The following SLC4A10 variants were observed in gnomAD, a reference collection of about 807,000 sequenced individuals.
The protein encoded by SLC4A10 is solute carrier family 4 member 10.
A neutral mutation model predicts 137.7 loss-of-function variants in SLC4A10; 42 were observed. The ratio of observed to expected loss-of-function variants is 0.30; its 90% CI spans 0.24 to 0.39. SLC4A10 has a LOEUF of 0.39. Among genes scored for constraint, SLC4A10 ranks in the 10% least tolerant of loss-of-function variants. The pLI is 1.00. For missense variants in SLC4A10, 925 were observed against 1,355.0 expected (o/e 0.68, Z 4.98); for synonymous variants, 474 against 464.1 (o/e 1.02, Z -0.27).
intron 3 of SLC4A10, among the ~76,000 whole-genome samples, chr2:161,839,257 A>G (rs935493739): frequency 2.0e-5 from 3 of 152,258 alleles, no homozygotes; most frequent in Non-Finnish European, 4.4e-5. Context: ...ACATTTTGCA[A>G]AGGCAAAGCT....
intron 1 of SLC4A10, among the ~76,000 whole-genome samples, chr2:161,724,842 T>A (rs745638854): frequency 6.6e-6 from 1 of 152,184 alleles, no homozygotes; most frequent in Non-Finnish European, 1.5e-5. Context: ...AAACAACTAA[T>A]TCTTAGTTGT....
At chr2:161,642,185 T>C (rs545930756) in intron 1 of SLC4A10, among the ~76,000 whole-genome samples, 1 of 152,102 alleles carries the variant, frequency 6.6e-6, no homozygotes, top group African/African-American at 2.4e-5. Flanking sequence ...AGTGTAGTGA[T>C]GTATCTTAAT....
chr2:161,754,269 A>AT, intron 1 of SLC4A10, among the ~76,000 whole-genome samples: 1 of 152,280 alleles, frequency 6.6e-6, no homozygotes, highest in South Asian at 2.1e-4. Flanking sequence ...GGACTATTAA[A>AT]TGGCCTGTAA....
chr2:161,819,598 G>A (rs1267693464), intron 3 of SLC4A10, among the ~76,000 whole-genome samples: 2 of 151,648 alleles, frequency 1.3e-5, no homozygotes, highest in African/African-American at 2.4e-5. Context: ...TGGTTCAAGC[G>A]ATTCTCCTGC....
At chr2:161,736,813 G>A (rs1168575717) in intron 1 of SLC4A10, among the ~76,000 whole-genome samples, 1 of 152,058 alleles carries the variant, frequency 6.6e-6, no homozygotes, top group East Asian at 1.9e-4. Context: ...TAGTCACTCA[G>A]TCATCTCTCT....
At chr2:161,630,084 T>C (rs1056753860) in intron 1 of SLC4A10, among the ~76,000 whole-genome samples, 2 of 151,854 alleles carry the variant, frequency 1.3e-5, no homozygotes, top group Non-Finnish European at 2.9e-5. Context: ...TATAAGAGTA[T>C]TTAGTATTTT....
At chr2:161,932,881 A>G (rs1013795956) in intron 15 of SLC4A10, among the ~76,000 whole-genome samples, 3 of 151,888 alleles carry the variant, frequency 2.0e-5, no homozygotes, top group Non-Finnish European at 4.4e-5. Flanking sequence ...TTTTCTCCCC[A>G]TACTCCTTGA....
At chr2:161,689,680 AAAGAAAT>A (rs2124907325) in intron 1 of SLC4A10, among the ~76,000 whole-genome samples, 2 of 152,308 alleles carry the variant, frequency 1.3e-5, no homozygotes, top group South Asian at 4.1e-4. Flanking sequence ...CATAATCTTT[AAAGAAAT>A]AAGATCTTTC....
At chr2:161,852,719 C>G (rs909612121) in intron 4 of SLC4A10, among the ~76,000 whole-genome samples, 2 of 151,988 alleles carry the variant, frequency 1.3e-5, no homozygotes, top group Admixed American at 6.6e-5. Context: ...ATTCAAATTA[C>G]TATATTATGG....
chr2:161,927,961 T>C (rs2105581975), intron 15 of SLC4A10, among the ~76,000 whole-genome samples: 1 of 151,284 alleles, frequency 6.6e-6, no homozygotes, highest in South Asian at 2.1e-4. Flanking sequence ...GAAGTCAGTG[T>C]GGCGATTCCT....
In SLC4A10 at chr2:161,960,669, G is replaced by A. The variant is rs532942003; in HGVS notation, c.2862+2114G>A. On this transcript the variant is annotated intron_variant, in intron 21 of 26. Transcript: ENST00000446997. ...CGGGAGGTGAAGATCGCATTGAGCC[G>A]AGATCATGCTACTGCACTCCAGCCT... Among the ~76,000 whole-genome samples, 13 of 150,956 alleles carry A rather than the reference G, an allele frequency of 8.6e-5. No individual in the cohort carries two copies. The South Asian group carries it at 1.5e-3, about 17-fold the overall frequency.
intron 12 of SLC4A10, among the ~76,000 whole-genome samples, chr2:161,903,735 T>A (rs544034537): frequency 6.6e-6 from 1 of 152,238 alleles, no homozygotes; most frequent in East Asian, 1.9e-4. Context: ...ATTATTTGGA[T>A]TATGATTGGT....
chr2:161,795,166 A>G (rs1368283337), intron 2 of SLC4A10, among the ~76,000 whole-genome samples: 1 of 151,988 alleles, frequency 6.6e-6, no homozygotes, highest in African/African-American at 2.4e-5. Context: ...CTGCCAATAC[A>G]TATCTTATCT....
At chr2:161,848,955 G>A (rs143804159) in intron 4 of SLC4A10, among the ~76,000 whole-genome samples, 2 of 152,188 alleles carry the variant, frequency 1.3e-5, no homozygotes, top group Admixed American at 6.5e-5. Flanking sequence ...GTTATTGGTA[G>A]GTTGATAGGA....
At chr2:161,792,047 A>G (rs1210538145) in intron 2 of SLC4A10, among the ~76,000 whole-genome samples, 2 of 152,132 alleles carry the variant, frequency 1.3e-5, no homozygotes, top group African/African-American at 2.4e-5. Context: ...ATCTCCCTTC[A>G]TAGTTCCTTA....
At chr2:161,741,059 G>A (rs2047829556) in intron 1 of SLC4A10, among the ~76,000 whole-genome samples, 1 of 152,012 alleles carries the variant, frequency 6.6e-6, no homozygotes, top group African/African-American at 2.4e-5. Flanking sequence ...AATTGCTTGA[G>A]TCCAGGAGTT....
chr2:161,848,785 C>T (rs2059647750), intron 4 of SLC4A10, among the ~76,000 whole-genome samples: 1 of 151,974 alleles, frequency 6.6e-6, no homozygotes, highest in African/African-American at 2.4e-5. Flanking sequence ...TTACTGTAGC[C>T]TTGTAGTATA....
intron 19 of SLC4A10, among the ~76,000 whole-genome samples, chr2:161,952,897 T>C (rs949190569): frequency 6.6e-6 from 1 of 152,178 alleles, no homozygotes; most frequent in African/African-American, 2.4e-5. Context: ...TGTTCCATAG[T>C]CCTTCTCCCC....
chr2:161,628,282 T>C (rs1479066317), intron 1 of SLC4A10, among the ~76,000 whole-genome samples: 1 of 152,070 alleles, frequency 6.6e-6, no homozygotes, highest in Non-Finnish European at 1.5e-5. Flanking sequence ...GTGAGTCTAC[T>C]TTGGATCCCT....
Sources: gnomAD v4.1 joint callset for allele counts (sites outside exome capture counted in the v4.1 genomes callset) on GRCh38, gnomAD v4.1.1 for gene constraint, MANE v1.5 for transcripts, NCBI Gene and HGNC (gene_info 2026-07-23, HGNC 2026-07-21) for gene names.